CTNNA2: variants seen among roughly 807,000 people sequenced by gnomAD.
The protein encoded by CTNNA2 is catenin alpha-2.
In CTNNA2, 42 loss-of-function variants were observed where a neutral mutation model predicts 101.0. The ratio of observed to expected loss-of-function variants is 0.42; its 90% CI spans 0.32 to 0.54. The LOEUF is 0.54. Ranked by LOEUF, CTNNA2 falls within the 20% of genes least tolerant of loss-of-function variation. CTNNA2 has a pLI of 0.14. For synonymous variants in CTNNA2, 450 were observed against 456.4 expected, an observed-to-expected ratio of 0.99 and a Z score of 0.18; for missense variants, 871 against 1,223.1, an observed-to-expected ratio of 0.71 and a Z score of 4.29.
intron 15 of CTNNA2, among the ~76,000 whole-genome samples, chr2:80,590,267 G>A (rs1696354311): frequency 6.6e-6 from 1 of 152,158 alleles, no homozygotes; most frequent in Non-Finnish European, 1.5e-5. Context: ...CCTGAATTTT[G>A]AGTCAGAATA....
At chr2:79,275,004 C>G (rs556131387) in intron 2 of CTNNA2, among the ~76,000 whole-genome samples, 2 of 152,122 alleles carry the variant, frequency 1.3e-5, no homozygotes, top group Non-Finnish European at 2.9e-5. Flanking sequence ...TCTGGGAACC[C>G]ACCCCAAAGG....
At chr2:79,968,828 T>G (rs1192754472) in intron 7 of CTNNA2, among the ~76,000 whole-genome samples, 2 of 130,332 alleles carry the variant, frequency 1.5e-5, no homozygotes, top group Non-Finnish European at 3.7e-5. Context: ...GGCATGACCC[T>G]TCTTTTTTTT....
At chr2:79,978,985 A>G (rs548525540) in intron 7 of CTNNA2, among the ~76,000 whole-genome samples, 23 of 152,270 alleles carry the variant, frequency 1.5e-4, no homozygotes, top group Non-Finnish European at 2.5e-4. Flanking sequence ...TAAATGGCCA[A>G]GTTCATCAGA....
chr2:80,383,665 C>G (rs759315434), intron 7 of CTNNA2, among the ~76,000 whole-genome samples: 47 of 151,746 alleles, frequency 3.1e-4, no homozygotes, highest in Non-Finnish European at 6.0e-4. Context: ...CAATATGAGC[C>G]TATAAAGAAG....
At chr2:80,362,651 T>A (rs1295043453) in intron 7 of CTNNA2, among the ~76,000 whole-genome samples, 1 of 132,542 alleles carries the variant, frequency 7.5e-6, no homozygotes, top group Non-Finnish European at 1.6e-5. Flanking sequence ...AAAGAGTCTC[T>A]CTCTACAAGG....
chr2:80,363,312 A>G (rs1388238762), intron 7 of CTNNA2, among the ~76,000 whole-genome samples: 1 of 152,140 alleles, frequency 6.6e-6, no homozygotes, highest in Non-Finnish European at 1.5e-5. Context: ...GATTTGACAT[A>G]TCATGAGATA....
At chr2:80,341,690 T>C (rs757967662) in intron 7 of CTNNA2, among the ~76,000 whole-genome samples, 1 of 152,200 alleles carries the variant, frequency 6.6e-6, no homozygotes. Context: ...ACAGCTACTT[T>C]GCAAAATAGT....
At chr2:80,561,405 C>A (rs1693579799) in intron 12 of CTNNA2, among the ~76,000 whole-genome samples, 1 of 152,122 alleles carries the variant, frequency 6.6e-6, no homozygotes, top group Non-Finnish European at 1.5e-5. Flanking sequence ...TTGTAGAAAT[C>A]TGATAAGTTT....
chr2:80,618,959 T>C (rs1019714007), intron 17 of CTNNA2, 126 bp from the exon 18 acceptor site: 3 of 525,456 alleles, frequency 5.7e-6, no homozygotes, highest in Admixed American at 3.7e-5. Flanking sequence ...TTCCTTCATA[T>C]ACCTCTTTTT....
At chr2:80,565,397 C>T (rs956593353) in intron 12 of CTNNA2, among the ~76,000 whole-genome samples, 3 of 152,020 alleles carry the variant, frequency 2.0e-5, no homozygotes, top group Admixed American at 1.3e-4. Flanking sequence ...CAGGATGATA[C>T]GGGGCTGCTG....
intron 1 of CTNNA2, among the ~76,000 whole-genome samples, chr2:79,610,208 C>G (rs1350511358): frequency 6.6e-6 from 1 of 152,014 alleles, no homozygotes; most frequent in Non-Finnish European, 1.5e-5. Flanking sequence ...TAAATTAGAA[C>G]CTTAATGTGA....
At chr2:80,187,319 C>T (rs1558885093) in intron 7 of CTNNA2, among the ~76,000 whole-genome samples, 2 of 152,004 alleles carry the variant, frequency 1.3e-5, no homozygotes, top group African/African-American at 4.8e-5. Context: ...TAATTTATAA[C>T]GTAGGAGGAG....
intron 7 of CTNNA2, among the ~76,000 whole-genome samples, chr2:80,177,195 G>A (rs1418865408): frequency 1.3e-5 from 2 of 152,174 alleles, no homozygotes; most frequent in Non-Finnish European, 2.9e-5. Flanking sequence ...TAGCTCTAAA[G>A]TGAGTGCCTT....
chr2:79,247,760 A>G (rs906482748), intron 2 of CTNNA2, among the ~76,000 whole-genome samples: 30 of 152,212 alleles, frequency 2.0e-4, no homozygotes, highest in Admixed American at 7.9e-4. Context: ...AAATTTGAGC[A>G]TAGAAGAAGG....
rs111449458 is a variant in CTNNA2, at chr2:79,628,507, C to T, written c.-5-23045C>T. The stretch of plus-strand genomic sequence containing the variant: ...TATCCGGTTGTCAACTGTAGAACAA[C>T]GAAATTTTTTCATTATAAAAATCTT... On this transcript the variant is annotated intron_variant, in intron 1 of 18. Coordinates refer to ENST00000402739, the MANE Select transcript of CTNNA2 (RefSeq NM_001282597.3). Among the ~76,000 whole-genome samples the T allele has an allele frequency of 9.8e-4, 148 of 151,530 alleles. 1 individual carries two copies. The highest frequency in any genetic ancestry group is 3.2e-3 in the African/African-American group (132 of 41,366).
chr2:80,157,894 A>G (rs897143864), intron 7 of CTNNA2, among the ~76,000 whole-genome samples: 1 of 152,144 alleles, frequency 6.6e-6, no homozygotes. Flanking sequence ...TCCCCAATCA[A>G]AGATCAAGCA....
intron 7 of CTNNA2, among the ~76,000 whole-genome samples, chr2:80,270,163 A>T (rs1451449739): frequency 6.6e-6 from 1 of 152,314 alleles, no homozygotes; most frequent in Non-Finnish European, 1.5e-5. Flanking sequence ...CCATTCCATA[A>T]TGATACACTT....
chr2:80,524,154 G>C (rs1005204988), intron 9 of CTNNA2, among the ~76,000 whole-genome samples: 11 of 152,088 alleles, frequency 7.2e-5, no homozygotes, highest in Non-Finnish European at 1.2e-4. Context: ...GCACTGGTTT[G>C]GGAGACAGAC....
intron 3 of CTNNA2, among the ~76,000 whole-genome samples, chr2:79,789,410 A>G (rs1319837000): frequency 3.9e-5 from 6 of 152,168 alleles, no homozygotes; most frequent in African/African-American, 1.4e-4. Context: ...AGGTCAGCTC[A>G]CAAAGGACAT....
Sources: allele counts gnomAD v4.1 joint callset (sites outside exome capture counted in the v4.1 genomes callset), GRCh38; gene constraint gnomAD v4.1.1; transcripts MANE v1.5; gene names NCBI Gene and HGNC (gene_info 2026-07-23, HGNC 2026-07-21).